C12orf42: variants seen among roughly 807,000 people sequenced by gnomAD.
C12orf42 encodes the protein chromosome 12 open reading frame 42, also known as uncharacterized protein C12orf42.
A neutral mutation model predicts 21.6 loss-of-function variants in C12orf42; 25 were observed. The observed-to-expected ratio is 1.16, with a 90% CI of 0.84 to 1.62. The LOEUF (loss-of-function observed/expected upper bound fraction) is 1.62. Ranked by LOEUF, C12orf42 falls within the 40% of genes most tolerant of loss-of-function variation. C12orf42 has a pLI of 0.00. For synonymous variants in C12orf42, 174 were observed against 175.0 expected (o/e 0.99, Z 0.05); for missense variants, 483 against 459.3 (o/e 1.05, Z -0.47).
At chr12:103,331,953 C>T (rs1188727638) in intron 4 of C12orf42, among the ~76,000 whole-genome samples, 1 of 152,104 alleles carries the variant, frequency 6.6e-6, no homozygotes, top group Non-Finnish European at 1.5e-5. Context: ...GGAAAATGTA[C>T]AGCAATGGAA....
the C12orf42 span, among the ~76,000 whole-genome samples, chr12:103,528,388 G>C: frequency 3.3e-5 from 5 of 152,220 alleles, no homozygotes; most frequent in African/African-American, 9.6e-5. Context: ...TGATGCTATA[G>C]TTGGATGTTT....
chr12:103,501,966 A>G, the C12orf42 span, among the ~76,000 whole-genome samples: 1 of 152,228 alleles, frequency 6.6e-6, no homozygotes, highest in Admixed American at 6.5e-5. Context: ...GCTGCGCTAC[A>G]TTGAAAGCAA....
chr12:103,498,362 G>C (rs567104325), upstream of C12orf42, among the ~76,000 whole-genome samples: 3 of 152,338 alleles, frequency 2.0e-5, no homozygotes, highest in South Asian at 4.1e-4. Flanking sequence ...TTGGATGAAT[G>C]CATGAATGAA....
At chr12:103,304,588 T>C (rs1321951252) in intron 5 of C12orf42, among the ~76,000 whole-genome samples, 1 of 152,166 alleles carries the variant, frequency 6.6e-6, no homozygotes, top group African/African-American at 2.4e-5. Context: ...ATTTAGAACC[T>C]GGATCTAGAA....
the C12orf42 span, among the ~76,000 whole-genome samples, chr12:103,088,176 C>T: frequency 6.6e-6 from 1 of 152,136 alleles, no homozygotes; most frequent in Non-Finnish European, 1.5e-5. Flanking sequence ...GAGAATTTTC[C>T]ATGAGGAAAC....
chr12:103,388,620 C>T lies in C12orf42; in HGVS notation c.147+12987G>A, dbSNP rs556963981. Among the ~76,000 whole-genome samples the T allele has an allele frequency of 3.9e-5, 6 of 152,318 alleles. No homozygotes were observed. The East Asian group carries it at 1.2e-3, about 29-fold the overall frequency. On this transcript the variant is annotated intron_variant, in intron 3 of 5. Coordinates refer to ENST00000548883, the MANE Select transcript of C12orf42 (RefSeq NM_198521.5). ...ACTTTTAGATGCCTGAAATATTTCACACACTCAGAATAAAAGGACATACTA... is the reference window on the plus strand; with the variant it reads ...ACTTTTAGATGCCTGAAATATTTCATACACTCAGAATAAAAGGACATACTA...
intron 10 of C12orf42, among the ~76,000 whole-genome samples, chr12:103,258,319 C>T (rs1032180453): frequency 4.0e-5 from 6 of 151,816 alleles, no homozygotes; most frequent in African/African-American, 1.5e-4. Context: ...GTAAACTGCC[C>T]TAAAAAAGTG....
At chr12:103,333,824 G>A (rs1217100322) in intron 4 of C12orf42, among the ~76,000 whole-genome samples, 1 of 152,146 alleles carries the variant, frequency 6.6e-6, no homozygotes, top group African/African-American at 2.4e-5. Context: ...AAGTATCCAG[G>A]ACACTCATTT....
At chr12:103,314,972 C>T (rs1441987989) in intron 4 of C12orf42, among the ~76,000 whole-genome samples, 6 of 152,126 alleles carry the variant, frequency 3.9e-5, no homozygotes, top group African/African-American at 1.2e-4. Context: ...GATGCAGCCT[C>T]TCTGTGTGAA....
At chr12:103,493,799 T>C (rs1565909730) in intron 1 of C12orf42, among the ~76,000 whole-genome samples, 1 of 149,780 alleles carries the variant, frequency 6.7e-6, no homozygotes, top group Non-Finnish European at 1.5e-5. Flanking sequence ...CGCATGAAAG[T>C]ATTAGCATTT....
At chr12:103,155,126 T>C in the C12orf42 span, 2 of 152,228 alleles carry the variant, frequency 1.3e-5, no homozygotes, top group Non-Finnish European at 1.5e-5. Flanking sequence ...TTCTTTTCTA[T>C]ACTCATGGCC....
intron 4 of C12orf42, among the ~76,000 whole-genome samples, chr12:103,282,086 T>C (rs925183006): frequency 4.6e-5 from 7 of 152,234 alleles, no homozygotes; most frequent in South Asian, 2.1e-4. Context: ...TTTATTAGAA[T>C]TGCACTTCTG....
chr12:103,256,095 TATATATATATATATATACACACAC>T (rs1302709017), intron 10 of C12orf42, among the ~76,000 whole-genome samples: 1 of 33,110 alleles, frequency 3.0e-5, no homozygotes, highest in African/African-American at 9.4e-5. Flanking sequence ...AATATATATA[TATATATATATATATATACACACAC>T]ACACACACAC....
intron 2 of C12orf42, among the ~76,000 whole-genome samples, chr12:103,412,247 A>G (rs2048907644): frequency 6.6e-6 from 1 of 152,234 alleles, no homozygotes; most frequent in Non-Finnish European, 1.5e-5. Context: ...CACCAAGCCC[A>G]TTTTTATTAA....
At chr12:103,427,362 T>TAA (rs34615151) in intron 2 of C12orf42, among the ~76,000 whole-genome samples, 10 of 134,248 alleles carry the variant, frequency 7.4e-5, no homozygotes, top group East Asian at 2.1e-4. Context: ...CAAAAAAGAT[T>TAA]AAAAAAAAAA....
At chr12:103,196,231 T>C in the C12orf42 span, among the ~76,000 whole-genome samples, 1 of 152,296 alleles carries the variant, frequency 6.6e-6, no homozygotes, top group South Asian at 2.1e-4. Flanking sequence ...TTCCATATAA[T>C]TGTACTGTTT....
At chr12:103,411,820 C>G (rs568811680) in intron 2 of C12orf42, among the ~76,000 whole-genome samples, 5 of 152,150 alleles carry the variant, frequency 3.3e-5, no homozygotes, top group Non-Finnish European at 5.9e-5. Flanking sequence ...CCTGAACAGA[C>G]TAAAACAATT....
chr12:103,551,638 A>G, the C12orf42 span, among the ~76,000 whole-genome samples: 8 of 152,096 alleles, frequency 5.3e-5, no homozygotes, highest in Non-Finnish European at 1.0e-4. Context: ...TCAACATGGC[A>G]AAACCCCATA....
upstream of C12orf42, among the ~76,000 whole-genome samples, chr12:103,499,998 C>A (rs1271885868): frequency 6.6e-6 from 1 of 152,186 alleles, no homozygotes; most frequent in Non-Finnish European, 1.5e-5. Context: ...TATACAAGGT[C>A]TTCCTGCATC....
Sources: gnomAD v4.1 joint callset for allele counts (sites outside exome capture counted in the v4.1 genomes callset) on GRCh38, gnomAD v4.1.1 for gene constraint, MANE v1.5 for transcripts, NCBI Gene and HGNC (gene_info 2026-07-23, HGNC 2026-07-21) for gene names.